CEP85L: variants seen among roughly 807,000 people sequenced by gnomAD.
CEP85L encodes centrosomal protein of 85 kDa-like.
In CEP85L, 60 loss-of-function variants were observed where a neutral mutation model predicts 100.3. That is an observed-to-expected ratio of 0.60 (90% CI 0.49 to 0.74). The LOEUF (loss-of-function observed/expected upper bound fraction) is 0.74, where lower values mean the gene tolerates loss of function less well. Ranked by LOEUF, CEP85L falls within the 30% of genes least tolerant of loss-of-function variation. CEP85L has a pLI of 0.00. For synonymous variants in CEP85L, 319 were observed against 322.7 expected, an observed-to-expected ratio of 0.99 and a Z score of 0.12; for missense variants, 973 against 936.2, an observed-to-expected ratio of 1.04 and a Z score of -0.51.
At chr6:118,608,854 C>T (rs12190763) in intron 2 of CEP85L, among the ~76,000 whole-genome samples, 8,680 of 152,152 alleles carry the variant, frequency 0.057, 292 homozygotes, top group South Asian at 0.11. Context: ...GGCTCATATA[C>T]CATAAATTGG....
intron 2 of CEP85L, among the ~76,000 whole-genome samples, chr6:118,595,540 T>C (rs1490649741): frequency 6.6e-6 from 1 of 152,204 alleles, no homozygotes; most frequent in Non-Finnish European, 1.5e-5. Context: ...ACACAGTAAG[T>C]ATTCAATAAA....
At chr6:118,623,874 A>T (rs903458109) in intron 2 of CEP85L, among the ~76,000 whole-genome samples, 1 of 152,230 alleles carries the variant, frequency 6.6e-6, no homozygotes, top group African/African-American at 2.4e-5. Context: ...AAGATCTAGT[A>T]GTGGTCAAGT....
chr6:118,564,541 C>T (rs899604560), intron 3 of CEP85L, among the ~76,000 whole-genome samples: 2 of 151,974 alleles, frequency 1.3e-5, no homozygotes, highest in Non-Finnish European at 2.9e-5. Flanking sequence ...AAGGTACATG[C>T]GACATGTTAA....
Position 118,600,300 on chromosome 6 carries a change from G to GGGTGTGTGTGTGT in CEP85L, c.232+32152_232+32153insACACACACACACC, listed in dbSNP as rs1562297733. Among the ~76,000 whole-genome samples the GGGTGTGTGTGTGT allele has an allele frequency of 5.9e-4, 31 of 52,246 alleles. 7 individuals are homozygous for GGGTGTGTGTGTGT. Among genetic ancestry groups the GGGTGTGTGTGTGT allele is most frequent in the South Asian group, 2.8e-3 (4 of 1,420 alleles). The allele number at this position is 52,246 out of a possible 152,430, so 34.3% of individuals were successfully genotyped here. On this transcript the variant is annotated intron_variant, in intron 2 of 12. Transcript: ENST00000368491. Reference sequence around the variant, plus strand: ...CTGCCTGTCCCTGAGCCTTCCTGGGGGTGTGTGTGTGTGTGTGTGTGTGTG... The same window carrying GGGTGTGTGTGTGT: ...CTGCCTGTCCCTGAGCCTTCCTGGGGGGTGTGTGTGTGTGTGTGTGTGTGTGTGTGTGTGTGTG...
At chr6:118,686,726 A>G (rs191901940) in intron 1 of CEP85L, among the ~76,000 whole-genome samples, 1 of 152,318 alleles carries the variant, frequency 6.6e-6, no homozygotes, top group African/African-American at 2.4e-5. Flanking sequence ...TTCAAGCAAA[A>G]CGTAACTAAG....
At chr6:118,597,558 T>C (rs1781520790) in intron 2 of CEP85L, among the ~76,000 whole-genome samples, 1 of 152,332 alleles carries the variant, frequency 6.6e-6, no homozygotes, top group African/African-American at 2.4e-5. Context: ...TAGAAACTTA[T>C]ATTTAACATT....
At chr6:118,513,597 A>G (rs993737169) in intron 4 of CEP85L, among the ~76,000 whole-genome samples, 5 of 152,158 alleles carry the variant, frequency 3.3e-5, no homozygotes, top group African/African-American at 1.2e-4. Context: ...TTGACATGAG[A>G]AAAAATTTGA....
At chr6:118,603,685 C>A (rs1302928457) in intron 2 of CEP85L, among the ~76,000 whole-genome samples, 1 of 152,182 alleles carries the variant, frequency 6.6e-6, no homozygotes, top group Non-Finnish European at 1.5e-5. Flanking sequence ...TCAGTTTAGT[C>A]CATGTCGTTA....
intron 1 of CEP85L, among the ~76,000 whole-genome samples, chr6:118,661,697 G>T: frequency 6.6e-6 from 1 of 152,122 alleles, no homozygotes; most frequent in East Asian, 1.9e-4. Flanking sequence ...ATTATTAGTG[G>T]TAATGTTATT....
chr6:118,586,727 A>AC (rs1023389351), intron 2 of CEP85L, among the ~76,000 whole-genome samples: 1 of 152,178 alleles, frequency 6.6e-6, no homozygotes, highest in Non-Finnish European at 1.5e-5. Context: ...ATTCAGTCTC[A>AC]CCCCTACCTC....
chr6:118,497,771 T>A (rs1562200523), intron 5 of CEP85L, among the ~76,000 whole-genome samples: 1 of 152,148 alleles, frequency 6.6e-6, no homozygotes, highest in Non-Finnish European at 1.5e-5. Context: ...ATGACACAGG[T>A]CAGAAACTCA....
chr6:118,589,972 C>T (rs1327746074), intron 2 of CEP85L, among the ~76,000 whole-genome samples: 2 of 152,182 alleles, frequency 1.3e-5, no homozygotes, highest in African/African-American at 2.4e-5. Flanking sequence ...TAGAACAGCA[C>T]TACCCTCCTC....
At chr6:118,705,589 G>A (rs1777569272) in intron 1 of CEP85L, among the ~76,000 whole-genome samples, 6 of 152,202 alleles carry the variant, frequency 3.9e-5, no homozygotes, top group Admixed American at 3.9e-4. Context: ...TAATGGCATG[G>A]TAAGTGTGAT....
chr6:118,534,242 A>T (rs1000468880), intron 3 of CEP85L, among the ~76,000 whole-genome samples: 14 of 152,236 alleles, frequency 9.2e-5, no homozygotes, highest in African/African-American at 2.9e-4. Flanking sequence ...TCTATATATT[A>T]ACAACAAAAG....
At chr6:118,526,704 T>C (rs1776983893) in intron 3 of CEP85L, among the ~76,000 whole-genome samples, 1 of 152,210 alleles carries the variant, frequency 6.6e-6, no homozygotes, top group African/African-American at 2.4e-5. Context: ...GAAAGCGACC[T>C]CTGGTCATCT....
At chr6:118,533,789 G>A (rs1410626677) in intron 3 of CEP85L, among the ~76,000 whole-genome samples, 2 of 152,122 alleles carry the variant, frequency 1.3e-5, no homozygotes, top group Admixed American at 6.6e-5. Context: ...TGCAAGTTAA[G>A]TTTAGCATTT....
At chr6:118,585,644 G>C (rs907398811) in intron 2 of CEP85L, among the ~76,000 whole-genome samples, 1 of 152,190 alleles carries the variant, frequency 6.6e-6, no homozygotes, top group Non-Finnish European at 1.5e-5. Context: ...CCAGCCAATG[G>C]AAAGTCCTTA....
intron 2 of CEP85L, among the ~76,000 whole-genome samples, chr6:118,604,824 T>C (rs1772075848): frequency 6.6e-6 from 1 of 152,224 alleles, no homozygotes. Flanking sequence ...GACCTTAATT[T>C]AGACCAAATG....
At chr6:118,615,574 A>T (rs1345912898) in intron 2 of CEP85L, among the ~76,000 whole-genome samples, 3 of 152,344 alleles carry the variant, frequency 2.0e-5, no homozygotes, top group African/African-American at 7.2e-5. Context: ...GTAACCTCTA[A>T]GCCCTTGGAA....
Sources: allele counts gnomAD v4.1 joint callset (sites outside exome capture counted in the v4.1 genomes callset), GRCh38; gene constraint gnomAD v4.1.1; transcripts MANE v1.5; gene names NCBI Gene and HGNC (gene_info 2026-07-23, HGNC 2026-07-21).